Variants in YBX2 observed in about 807,000 individuals in gnomAD.
YBX2 encodes Y-box-binding protein 2.
A neutral mutation model predicts 44.4 loss-of-function variants in YBX2; 5 were observed. The ratio of observed to expected loss-of-function variants is 0.11; its 90% CI spans 0.06 to 0.24. The LOEUF is 0.24. Ranked by LOEUF, YBX2 falls within the 10% of genes least tolerant of loss-of-function variation. The pLI, the probability that YBX2 is intolerant of heterozygous loss-of-function variation, is 1.00. For missense variants in YBX2, 417 were observed against 526.9 expected (o/e 0.79, Z 2.04); for synonymous variants, 188 against 216.1 (o/e 0.87, Z 1.14).
At chr17:7,293,567 T>A (rs1434626978) in intron 1 of YBX2, 29 bp from the exon 2 acceptor site, 1 of 1,613,690 alleles carries the variant, frequency 6.2e-7, no homozygotes, top group Non-Finnish European at 8.5e-7. Flanking sequence ...GTGGGGACAG[T>A]GAGATGGGGG....
Position 7,290,574 on chromosome 17 carries a change from A to G in YBX2, c.460-39T>C, listed in dbSNP as rs77637693. Reference sequence around the variant, plus strand: ...AAGGGAATAGTGAGAACCTGCTCCAACAGCCAATGTGCATTTCCCAACTTG... The same window carrying G: ...AAGGGAATAGTGAGAACCTGCTCCAGCAGCCAATGTGCATTTCCCAACTTG... On this transcript the variant is annotated intron_variant, in intron 4 of 8. Transcript: ENST00000007699. The G allele has an allele frequency of 3.1e-6, 5 of 1,600,126 alleles. No individual in the cohort carries two copies. The Admixed American group carries it at 8.4e-5, about 27-fold the overall frequency.
At chr17:7,293,250 C>G (rs2072514514) in intron 2 of YBX2, 1 of 723,818 alleles carries the variant, frequency 1.4e-6, no homozygotes, top group Non-Finnish European at 2.2e-6. Context: ...CCAGGTTTGC[C>G]AAGTTCCTGA....
Position 7,291,002 on chromosome 17 carries a change from G to T in YBX2, c.459+91C>A. 7.7e-7 allele frequency: 1 copy of T among 1,292,126 alleles called. No homozygotes were observed. The highest frequency in any genetic ancestry group is 1.1e-6 in the Non-Finnish European group (1 of 888,290). The allele number at this position is 1,292,126 out of a possible 1,614,324, so 80.0% of individuals were successfully genotyped here. A position where few individuals can be genotyped will look rare whatever the true frequency, so the allele number is the denominator to read the frequency against. On this transcript the variant is annotated intron_variant, in intron 4 of 8. Transcript: ENST00000007699. This position sits in a 1 kb window ranked among gnomAD's most constrained non-coding sequence, Gnocchi z 5.8. Reference sequence around the variant, plus strand: ...TCCCATTCCCGCAGAACGGGTCAGAGCTGGCCCCAGGAGGGTCTTAGCCTG... The same window carrying T: ...TCCCATTCCCGCAGAACGGGTCAGATCTGGCCCCAGGAGGGTCTTAGCCTG...
At chr17:7,289,930 T>G in intron 6 of YBX2, 38 bp downstream of exon 6, 2 of 1,611,226 alleles carry the variant, frequency 1.2e-6, no homozygotes, top group Non-Finnish European at 1.7e-6. Context: ...GATCCAACAC[T>G]GGAAGGGGAA....
At chr17:7,293,845 G>A (rs2072518898) in intron 1 of YBX2, 7 of 546,914 alleles carry the variant, frequency 1.3e-5, no homozygotes, top group African/African-American at 9.5e-5. Flanking sequence ...GCAAAGTGCC[G>A]CCCCCAGGTC....
Position 7,288,586 on chromosome 17 carries a change from G to T in YBX2, c.*97C>A. On this transcript the variant is annotated 3_prime_UTR_variant, in exon 9 of 9. Transcript: ENST00000007699. ...GGTGTTTTGATGTCATGAATTATGGGAAAGGGGGAGCAGGGTACTGGGTAG... is the reference window on the plus strand; with the variant it reads ...GGTGTTTTGATGTCATGAATTATGGTAAAGGGGGAGCAGGGTACTGGGTAG... The T allele has an allele frequency of 1.7e-6, 1 of 581,968 alleles. No homozygotes were observed. The allele number at this position is 581,968 out of a possible 1,614,324, so 36.1% of individuals were successfully genotyped here. A position where few individuals can be genotyped will look rare whatever the true frequency, so the allele number is the denominator to read the frequency against.
At position 7,288,477 on chromosome 17, in the gene YBX2, C is replaced by T. The variant is rs1439278349; in HGVS notation, c.*206G>A. The T allele has an allele frequency of 8.8e-6, 3 of 339,810 alleles. No homozygotes were observed. Among genetic ancestry groups the T allele is most frequent in the South Asian group, 5.6e-5 (2 of 35,866 alleles). The allele number at this position is 339,810 out of a possible 1,614,324, so 21.0% of individuals were successfully genotyped here. On this transcript the variant is annotated 3_prime_UTR_variant, in exon 9 of 9. Transcript: ENST00000007699. ...TAAGGATGGCTCCCTTCCTTCAACC[C>T]TTGATAAGGGGAGGGAAGAAAAAAG... is the stretch of plus-strand genomic sequence containing the variant.
chr17:7,288,674 G>A, intron 8 of YBX2, 31 bp from the exon 9 acceptor site: 1 of 1,270,876 alleles, frequency 7.9e-7, no homozygotes, highest in South Asian at 1.3e-5. Context: ...GACGGATTGT[G>A]AACAACAGCG....
In YBX2 at chr17:7,294,161, G is replaced by C. The variant is rs1201081781; in HGVS notation, c.271+69C>G. The C allele has an allele frequency of 8.1e-7, 1 of 1,238,738 alleles. No homozygotes were observed. The highest frequency in any genetic ancestry group is 1.0e-6 in the Non-Finnish European group (1 of 992,874). The allele number at this position is 1,238,738 out of a possible 1,614,324, so 76.7% of individuals were successfully genotyped here. ...CGCCTTTGGTTTTCCGGATCCTGCC[G>C]GGCTCCACACTGCCCCTCCCCCAGC... is the stretch of plus-strand genomic sequence containing the variant. On this transcript the variant is annotated intron_variant, in intron 1 of 8. Coordinates refer to ENST00000007699, the MANE Select transcript of YBX2 (RefSeq NM_015982.4). This position sits in a 1 kb window ranked among gnomAD's most constrained non-coding sequence, Gnocchi z 4.6.
chr17:7,291,319 G>A lies in YBX2; in HGVS notation c.370-137C>T. 1.2e-6 allele frequency: 1 copy of A among 852,060 alleles called. No individual in the cohort carries two copies. Among genetic ancestry groups the A allele is most frequent in the Non-Finnish European group, 1.9e-6 (1 of 517,594 alleles). 52.8% of individuals were successfully genotyped at this position (852,060 alleles called of 1,614,324 possible). A position where few individuals can be genotyped will look rare whatever the true frequency, so the allele number is the denominator to read the frequency against. On this transcript the variant is annotated intron_variant, in intron 3 of 8. Transcript: ENST00000007699. This position sits in a 1 kb window ranked among gnomAD's most constrained non-coding sequence, Gnocchi z 5.8. ...GAGCTGGAGGGTGGAGCAAGGAGGTGGTCAAAGTTTAGCAGGGGAAAAGTC... is the reference window on the plus strand; with the variant it reads ...GAGCTGGAGGGTGGAGCAAGGAGGTAGTCAAAGTTTAGCAGGGGAAAAGTC...
At chr17:7,292,207 G>C in intron 2 of YBX2, 148 bp from the exon 3 acceptor site, 1 of 897,822 alleles carries the variant, frequency 1.1e-6, no homozygotes, top group Non-Finnish European at 1.8e-6. Flanking sequence ...GGGAATGGGA[G>C]GGAGAGCCAG....
rs391768 is a variant in YBX2 at position 7,289,549 on chromosome 17, C to T, written c.1025G>A (p.Arg342Gln). The T allele has an allele frequency of 4.7e-4, 750 of 1,607,712 alleles. 1 individual carries two copies. The highest frequency in any genetic ancestry group is 5.9e-4 in the Non-Finnish European group (699 of 1,177,156). Residue 342 changes from arginine to glutamine, a missense_variant, in exon 7 of 9, where the codon CGG becomes CAG. By Grantham distance (43) the Arg-to-Gln change is conservative. Around this residue, in one of 3 missense-constraint regions of YBX2, gnomAD observed 257 missense variants for 261.7 expected, o/e 0.98. Transcript: ENST00000007699. ...CCTCACCTCAGGGGCTGCGGGCTGC[C>T]GGGGGCCAGGGGCCTGCTGGGGGCC... is the stretch of plus-strand genomic sequence containing the variant. ...APGPQQAPGP[R>Q]QPAAPETSAP...
Position 7,291,422 on chromosome 17 carries a change from G to A in YBX2, c.370-240C>T, listed in dbSNP as rs1177840179. The A allele has an allele frequency of 1.8e-5, 10 of 556,052 alleles. No homozygotes were observed. The East Asian group carries it at 2.2e-4, about 12-fold the overall frequency. 34.4% of individuals were successfully genotyped at this position (556,052 alleles called of 1,614,324 possible). A position where few individuals can be genotyped will look rare whatever the true frequency, so the allele number is the denominator to read the frequency against. On this transcript the variant is annotated intron_variant, in intron 3 of 8. Coordinates refer to ENST00000007699, the MANE Select transcript of YBX2 (RefSeq NM_015982.4). This position sits in a 1 kb window ranked among gnomAD's most constrained non-coding sequence, Gnocchi z 5.8. ...CTCCCCGCACCTCCCCTCCCGCCCCGCTTTACCCCTCAGGGATTTCAGAAA... is the reference window on the plus strand; with the variant it reads ...CTCCCCGCACCTCCCCTCCCGCCCCACTTTACCCCTCAGGGATTTCAGAAA...
Position 7,294,487 on chromosome 17 carries a change from T to G in YBX2, c.14A>C (p.Glu5Ala). ...GACCGCTGTAGCCCCCGCTGCCGCC[T>G]CCACCTCGCTCATCCCGCCGGGTCC... MSEV[E>A]AAAGATAVPA... The change falls in exon 1 of 9, where the codon GAG becomes GCG. Residue 5 changes from glutamate to alanine, a missense_variant. Glu to Ala is a moderately radical substitution (Grantham distance 107, BLOSUM62 -1). This residue lies in a region of YBX2 where 121 missense variants were observed against 141.3 expected (regional missense o/e 0.86). Coordinates refer to ENST00000007699, the MANE Select transcript of YBX2 (RefSeq NM_015982.4). This position sits in a 1 kb window ranked among gnomAD's most constrained non-coding sequence, Gnocchi z 4.6. The G allele has an allele frequency of 1.4e-6, 2 of 1,469,624 alleles. 1 individual carries two copies. The highest frequency in any genetic ancestry group is 2.5e-5 in the South Asian group (2 of 79,480). 91.0% of individuals were successfully genotyped at this position (1,469,624 alleles called of 1,614,324 possible).
chr17:7,293,026 G>A (rs1484368635), intron 2 of YBX2: 1 of 215,274 alleles, frequency 4.6e-6, no homozygotes, highest in African/African-American at 2.3e-5. Context: ...CCCACTGTCA[G>A]CCTCAGTCCC....
rs2072520754 is a variant in YBX2 at position 7,294,035 on chromosome 17, G to T, written c.271+195C>A. 3.2e-6 allele frequency: 2 copies of T among 623,580 alleles called. No individual in the cohort carries two copies. The highest frequency in any genetic ancestry group is 4.7e-6 in the Non-Finnish European group (2 of 429,238). The allele number at this position is 623,580 out of a possible 1,614,324, so 38.6% of individuals were successfully genotyped here. A position where few individuals can be genotyped will look rare whatever the true frequency, so the allele number is the denominator to read the frequency against. On this transcript the variant is annotated intron_variant, in intron 1 of 8. Transcript: ENST00000007699. The surrounding 1 kb of genome is among the most constrained non-coding windows in gnomAD (Gnocchi z 4.6). ...GACCTTAGCTGAACCTGCCGGCCCCGCCCTCTCTCCCAGGAAGGTACGGCA... is the reference window on the plus strand; with the variant it reads ...GACCTTAGCTGAACCTGCCGGCCCCTCCCTCTCTCCCAGGAAGGTACGGCA...
chr17:7,294,120 G>T lies in YBX2; in HGVS notation c.271+110C>A. The T allele has an allele frequency of 8.6e-7, 1 of 1,165,726 alleles. No individual in the cohort carries two copies. Among genetic ancestry groups the T allele is most frequent in the South Asian group, 4.0e-5 (1 of 25,134 alleles). The allele number at this position is 1,165,726 out of a possible 1,614,324, so 72.2% of individuals were successfully genotyped here. On this transcript the variant is annotated intron_variant, in intron 1 of 8. Transcript: ENST00000007699. The surrounding 1 kb of genome is among the most constrained non-coding windows in gnomAD (Gnocchi z 4.6). ...AGCTCCCAGCCCAGTTAGCGCTCTG[G>T]GCCTGCGGGCCAGGCCGCCTTTGGT... is the stretch of plus-strand genomic sequence containing the variant.
At chr17:7,290,202 C>A (rs2072490622) in intron 5 of YBX2, 49 bp downstream of exon 5, 2 of 1,608,228 alleles carry the variant, frequency 1.2e-6, no homozygotes. Flanking sequence ...AACTCCCACT[C>A]CTCTCCTGAA....
At position 7,289,590 on chromosome 17, in the gene YBX2, T is replaced by C; in HGVS notation, c.984A>G (p.Arg328=). Residue 328 remains arginine, a synonymous_variant, in exon 7 of 9, where the codon AGA becomes AGG. Coordinates refer to ENST00000007699, the MANE Select transcript of YBX2 (RefSeq NM_015982.4). ...GCTGGGGGCCAGGGGCCTGCTGCCG[T>C]CTCCGCTGGAAGTAGGGGCGGTTTC... The part of the protein sequence containing the change: ...RPRNRPYFQR[R]RQQAPGPQQA... The C allele has an allele frequency of 1.2e-6, 2 of 1,612,204 alleles. No individual in the cohort carries two copies. The highest frequency in any genetic ancestry group is 1.7e-6 in the Non-Finnish European group (2 of 1,179,744).
Sources: allele counts gnomAD v4.1 joint callset, GRCh38; gene constraint gnomAD v4.1.1; regional missense constraint gnomAD v4.1.1; non-coding constraint Gnocchi (gnomAD v3.1); transcripts MANE v1.5; gene names NCBI Gene and HGNC (gene_info 2026-07-23, HGNC 2026-07-21).